Variants in LRWD1 observed in about 807,000 individuals in gnomAD.
The protein encoded by LRWD1 is leucine rich repeats and WD repeat domain containing 1, also known as leucine-rich repeat and WD repeat-containing protein 1.
In LRWD1, 76 loss-of-function variants were observed where a neutral mutation model predicts 75.6. That is an observed-to-expected ratio of 1.01 (90% CI 0.84 to 1.22). The LOEUF is 1.22. LRWD1 is among the 50% of genes most tolerant of loss of function. The pLI is 0.00. For synonymous variants in LRWD1, 487 were observed against 377.0 expected, an observed-to-expected ratio of 1.29 and a Z score of -3.38; for missense variants, 917 against 862.0, an observed-to-expected ratio of 1.06 and a Z score of -0.80.
In LRWD1 at chr7:102,467,446, G is replaced by C. The variant is rs1369907642; in HGVS notation, c.540G>C (p.Gly180=). The part of the protein sequence containing the change: ...VKSAVRDVRY[G]PESLSEFTQW... ...CGGCTGTCAGGGATGTCCGCTACGG[G>C]CCCGAGTCCCTCAGCGAGTTCACCC... is the stretch of plus-strand genomic sequence containing the variant. The change falls in exon 4 of 15, where the codon GGG becomes GGC. Residue 180 remains glycine, a synonymous_variant. Transcript: ENST00000292616. The C allele has an allele frequency of 4.3e-6, 7 of 1,613,800 alleles. No individual in the cohort carries two copies. Among genetic ancestry groups the C allele is most frequent in the Non-Finnish European group, 5.9e-6 (7 of 1,179,966 alleles).
chr7:102,467,174 GT>G lies in LRWD1; in HGVS notation c.433-164del, dbSNP rs1563654260. On this transcript the variant is annotated intron_variant, in intron 3 of 14. Transcript: ENST00000292616. The stretch of plus-strand genomic sequence containing the variant: ...GTTGTTGCTGGGGTGTGTGTGGGGT[GT>G]GTGTGTGTGTGTGTGTGTGTGTGTG... 1.8e-3 allele frequency among the ~76,000 whole-genome samples: 148 copies of G among 80,112 alleles called. 5 individuals carry two copies. The highest frequency in any genetic ancestry group is 4.8e-3 in the African/African-American group (93 of 19,194). 52.6% of individuals were successfully genotyped at this position (80,112 alleles called of 152,430 possible).
chr7:102,473,076 A>G lies in LRWD1; in HGVS notation c.*27A>G. ...CTCACACCATCGCAAAGGACCAGGGACACAGCTAACTAACTTATTCAGCTT... is the reference window on the plus strand; with the variant it reads ...CTCACACCATCGCAAAGGACCAGGGGCACAGCTAACTAACTTATTCAGCTT... On this transcript the variant is annotated 3_prime_UTR_variant, in exon 15 of 15. Coordinates refer to ENST00000292616, the MANE Select transcript of LRWD1 (RefSeq NM_152892.3). 6.3e-7 allele frequency: 1 copy of G among 1,589,986 alleles called. No homozygotes were observed. Among genetic ancestry groups the G allele is most frequent in the Non-Finnish European group, 8.6e-7 (1 of 1,166,498 alleles).
Position 102,465,488 on chromosome 7 carries a change from GCTT to G in LRWD1, c.81-328_81-326del, listed in dbSNP as rs1172238034. ...GCCCCCGAGTCCTAAAGTAGTTGCA[GCTT>G]TTTTTTTTTTTTTTTTTTTTTTTTT... On this transcript the variant is annotated intron_variant, in intron 1 of 14. Transcript: ENST00000292616. The G allele has an allele frequency of 6.8e-4, 74 of 108,030 alleles. 19 individuals carry two copies. Among genetic ancestry groups the G allele is most frequent in the African/African-American group, 2.0e-3 (40 of 19,912 alleles). The allele number at this position is 108,030 out of a possible 1,614,324, so 6.7% of individuals were successfully genotyped here. A position where few individuals can be genotyped will look rare whatever the true frequency, so the allele number is the denominator to read the frequency against.
At chr7:102,465,625 G>A in intron 1 of LRWD1, 192 bp from the exon 2 acceptor site, 1 of 568,642 alleles carries the variant, frequency 1.8e-6, no homozygotes, top group East Asian at 3.0e-5. Flanking sequence ...GTTGGAGGCA[G>A]CTGTGAGCTA....
chr7:102,468,439 G>C, intron 7 of LRWD1, 62 bp downstream of exon 7: 1 of 1,542,568 alleles, frequency 6.5e-7, no homozygotes. Flanking sequence ...GGATGGGTGG[G>C]GGATCAGGAG....
intron 11 of LRWD1, 194 bp from the exon 12 acceptor site, chr7:102,472,024 C>T: frequency 1.7e-6 from 1 of 588,564 alleles, no homozygotes; most frequent in East Asian, 3.0e-5. Context: ...TGACTCGGGA[C>T]ACTCAGGTGC....
In LRWD1 at chr7:102,467,438, C is replaced by T. The variant is rs570334710; in HGVS notation, c.532C>T (p.Arg178Cys). ...DFVKSAVRDV[R>C]YGPESLSEFT... Reference sequence around the variant, plus strand: ...TGTGAAGTCGGCTGTCAGGGATGTCCGCTACGGGCCCGAGTCCCTCAGCGA... The same window carrying T: ...TGTGAAGTCGGCTGTCAGGGATGTCTGCTACGGGCCCGAGTCCCTCAGCGA... Residue 178 changes from arginine (R) to cysteine (C), a missense_variant, in exon 4 of 15, where the codon CGC (arginine) becomes TGC (cysteine). Arg to Cys is a radical substitution (Grantham distance 180). Coordinates refer to ENST00000292616, the MANE Select transcript of LRWD1 (RefSeq NM_152892.3). 2.0e-5 allele frequency: 33 copies of T among 1,613,800 alleles called. No individual in the cohort carries two copies. The highest frequency in any genetic ancestry group is 2.3e-5 in the Non-Finnish European group (27 of 1,179,964).
In LRWD1 at chr7:102,472,612, G is replaced by A. The variant is rs775925346; in HGVS notation, c.1690+3G>A. On this transcript the variant is annotated splice_donor_region_variant and intron_variant, in intron 13 of 14. Transcript: ENST00000292616. Reference sequence around the variant, plus strand: ...CTTCTCGCTCAGCGCCTGCCCTGGTGAGCCTGCCCCCCTGCCCGCCCCATC... The same window carrying A: ...CTTCTCGCTCAGCGCCTGCCCTGGTAAGCCTGCCCCCCTGCCCGCCCCATC... 14 of 1,609,436 alleles carry A rather than the reference G, an allele frequency of 8.7e-6. No individual in the cohort carries two copies. In the South Asian group the frequency reaches 1.4e-4, roughly 16 times the overall value.
At position 102,465,059 on chromosome 7, in the gene LRWD1, GCGCGGGCTGCGCCTCCT is replaced by G. The variant is rs1167357978; in HGVS notation, c.-18_-2del. On this transcript the variant is annotated 5_prime_UTR_variant, in exon 1 of 15. Transcript: ENST00000292616. ...CACGCCGGGGTGGCCGACTGGGTCAGCGCGGGCTGCGCCTCCTCGCCATGGGCCCCCTCTCGGCGCGG... is the reference window on the plus strand; with the variant it reads ...CACGCCGGGGTGGCCGACTGGGTCAGCGCCATGGGCCCCCTCTCGGCGCGG... 14 of 1,475,526 alleles carry G rather than the reference GCGCGGGCTGCGCCTCCT, an allele frequency of 9.5e-6. No individual in the cohort carries two copies. The highest frequency in any genetic ancestry group is 1.3e-5 in the Non-Finnish European group (14 of 1,114,392). The allele number at this position is 1,475,526 out of a possible 1,614,324, so 91.4% of individuals were successfully genotyped here.
Position 102,472,200 on chromosome 7 carries a change from T to G in LRWD1, c.1443-18T>G. Reference sequence around the variant, plus strand: ...ATCTGCAAGGAATGGCCAACTAGCATCTCGTGCTGCCCCACAGGGTGTGTG... The same window carrying G: ...ATCTGCAAGGAATGGCCAACTAGCAGCTCGTGCTGCCCCACAGGGTGTGTG... On this transcript the variant is annotated intron_variant, in intron 11 of 14. Coordinates refer to ENST00000292616, the MANE Select transcript of LRWD1 (RefSeq NM_152892.3). 6.3e-7 allele frequency: 1 copy of G among 1,575,396 alleles called. No individual in the cohort carries two copies. Among genetic ancestry groups the G allele is most frequent in the Non-Finnish European group, 8.6e-7 (1 of 1,158,422 alleles).
intron 12 of LRWD1, 55 bp downstream of exon 12, chr7:102,472,364 C>T: frequency 1.9e-6 from 3 of 1,552,114 alleles, no homozygotes; most frequent in Non-Finnish European, 2.6e-6. Flanking sequence ...AGATGGACCG[C>T]TTGTCCCTGG....
chr7:102,468,799 G>T (rs903479148), intron 8 of LRWD1, 56 bp from the exon 9 acceptor site: 5 of 1,586,048 alleles, frequency 3.2e-6, no homozygotes, highest in Admixed American at 3.4e-5. Context: ...CGGGCTACCC[G>T]CGTGTTCACA....
intron 3 of LRWD1, among the ~76,000 whole-genome samples, chr7:102,466,478 G>A (rs560972418): frequency 1.8e-4 from 27 of 152,182 alleles, no homozygotes; most frequent in Middle Eastern, 6.8e-3. Flanking sequence ...GCAGTGATGC[G>A]ATCTTGGCTC....
rs967791669 is a variant in LRWD1 at position 102,467,768 on chromosome 7, A to G, written c.623A>G (p.Gln208Arg). 5.8e-6 allele frequency: 9 copies of G among 1,552,094 alleles called. No individual in the cohort carries two copies. The highest frequency in any genetic ancestry group is 1.8e-4 in the Middle Eastern group (1 of 5,650). The change falls in exon 5 of 15, where the codon CAA becomes CGA. Residue 208 changes from glutamine to arginine, a missense_variant. By Grantham distance (43) the Gln-to-Arg change is conservative. Transcript: ENST00000292616. ...GTGGCCGCCAGTAGGACCCAGGTGC[A>G]AAAGGCTAACAGCCCAGAGAAGCCC... Reference protein sequence around the residue: ...ELVAASRTQVQKANSPEKPPE... With the variant: ...ELVAASRTQVRKANSPEKPPE...
chr7:102,472,829 G>C (rs1798253432), intron 14 of LRWD1, 25 bp downstream of exon 14: 1 of 1,612,284 alleles, frequency 6.2e-7, no homozygotes, highest in Non-Finnish European at 8.5e-7. Context: ...ACCCTGCCCA[G>C]GCTTGGGCTG....
In LRWD1 at chr7:102,467,421, C is replaced by A; in HGVS notation, c.515C>A (p.Ser172Ter). ...AEKAQADFVKSAVRDVRYGPE... is the reference protein window; with the variant it reads ...AEKAQADFVK ...AAGGCCCAGGCGGACTTTGTGAAGT[C>A]GGCTGTCAGGGATGTCCGCTACGGG... Residue 172 changes from serine to a stop codon, truncating the protein, a stop_gained, in exon 4 of 15, where the codon TCG becomes TAG. Coordinates refer to ENST00000292616, the MANE Select transcript of LRWD1 (RefSeq NM_152892.3). LOFTEE classifies it high-confidence loss of function. 6.2e-7 allele frequency: 1 copy of A among 1,613,744 alleles called. No individual in the cohort carries two copies. The highest frequency in any genetic ancestry group is 2.2e-5 in the East Asian group (1 of 44,842).
rs764375542 is a variant in LRWD1 at position 102,468,844 on chromosome 7, C to G, written c.1021-11C>G. On this transcript the variant is annotated splice_polypyrimidine_tract_variant and intron_variant, in intron 8 of 14. Transcript: ENST00000292616. ...CTGCCCCAGTGACTGTTTACTCTAA[C>G]CCCCGCCCAGGAGTTCTTTTCTGTG... The G allele has an allele frequency of 6.2e-7, 1 of 1,608,422 alleles. No individual in the cohort carries two copies.
At chr7:102,472,192 A>G in intron 11 of LRWD1, 26 bp from the exon 12 acceptor site, 1 of 1,567,416 alleles carries the variant, frequency 6.4e-7, no homozygotes, top group Non-Finnish European at 8.7e-7. Flanking sequence ...AGGAATGGCC[A>G]ACTAGCATCT....
At position 102,472,905 on chromosome 7, in the gene LRWD1, C is replaced by T. The variant is rs1798259087; in HGVS notation, c.1804-4C>T. 2 of 1,613,440 alleles carry T rather than the reference C, an allele frequency of 1.2e-6. No individual in the cohort carries two copies. The highest frequency in any genetic ancestry group is 1.7e-5 in the Admixed American group (1 of 59,978). ...AGCCCAGCCCTCCCCTCTCTCCCCA[C>T]CAGATCCTGAAGTGGCCCCAGCCCT... is the stretch of plus-strand genomic sequence containing the variant. On this transcript the variant is annotated splice_region_variant and splice_polypyrimidine_tract_variant and intron_variant, in intron 14 of 14. Transcript: ENST00000292616.
Sources: allele counts gnomAD v4.1 joint callset (sites outside exome capture counted in the v4.1 genomes callset), GRCh38; gene constraint gnomAD v4.1.1; transcripts MANE v1.5; gene names NCBI Gene and HGNC (gene_info 2026-07-23, HGNC 2026-07-21).